Variants in DIP2C observed in about 807,000 individuals in gnomAD.
DIP2C encodes the protein disco-interacting protein 2 homolog C.
In DIP2C, 33 loss-of-function variants were observed where a neutral mutation model predicts 192.4. The ratio of observed to expected loss-of-function variants is 0.17; its 90% CI spans 0.13 to 0.23. The LOEUF (loss-of-function observed/expected upper bound fraction) is 0.23. DIP2C is among the 10% of genes least tolerant of loss of function. The pLI is 1.00. For missense variants in DIP2C, 1,537 were observed against 2,110.1 expected, an observed-to-expected ratio of 0.73 and a Z score of 5.32; for synonymous variants, 979 against 864.1, an observed-to-expected ratio of 1.13 and a Z score of -2.33.
Position 274,556 on chromosome 10 carries a change from A to T in DIP2C, c.*2769T>A, listed in dbSNP as rs998326105. ...AAGCGTACTGGTGGTTTAACATACA[A>T]GAAGGTTGCTGTCCTTTGCACATAA... On this transcript the variant is annotated 3_prime_UTR_variant, in exon 37 of 37. Coordinates refer to ENST00000280886, the MANE Select transcript of DIP2C (RefSeq NM_014974.3). 1.3e-5 allele frequency: 2 copies of T among 152,266 alleles called. No homozygotes were observed. Among genetic ancestry groups the T allele is most frequent in the African/African-American group, 4.8e-5 (2 of 41,472 alleles). The allele number at this position is 152,266 out of a possible 1,614,324, so 9.4% of individuals were successfully genotyped here.
chr10:367,381 C>A (rs1470325699), intron 18 of DIP2C, among the ~76,000 whole-genome samples: 3 of 150,666 alleles, frequency 2.0e-5, no homozygotes, highest in African/African-American at 7.4e-5. Context: ...CGCGCCACTG[C>A]ACTCCAGCCT....
At chr10:300,099 T>C (rs1589422026) in intron 32 of DIP2C, among the ~76,000 whole-genome samples, 1 of 152,170 alleles carries the variant, frequency 6.6e-6, no homozygotes, top group Non-Finnish European at 1.5e-5. Context: ...GAAAACAGTA[T>C]GGCAGTTCCT....
intron 1 of DIP2C, among the ~76,000 whole-genome samples, chr10:555,167 T>C (rs1357538981): frequency 1.3e-5 from 2 of 150,214 alleles, no homozygotes; most frequent in East Asian, 3.9e-4. Context: ...ACCCAAAATT[T>C]AGTTTATGTT....
intron 1 of DIP2C, among the ~76,000 whole-genome samples, chr10:610,271 G>A (rs1349293140): frequency 6.6e-6 from 1 of 152,206 alleles, no homozygotes; most frequent in African/African-American, 2.4e-5. Context: ...CAGATGTCAT[G>A]GAGGCCAAAA....
intron 1 of DIP2C, among the ~76,000 whole-genome samples, chr10:619,068 C>T (rs1167674576): frequency 6.6e-6 from 1 of 152,206 alleles, no homozygotes; most frequent in Non-Finnish European, 1.5e-5. Flanking sequence ...GTCTCCTGAG[C>T]TGTGTGGCAG....
At chr10:559,405 G>A (rs1018770793) in intron 1 of DIP2C, among the ~76,000 whole-genome samples, 12 of 151,982 alleles carry the variant, frequency 7.9e-5, no homozygotes, top group African/African-American at 1.7e-4. Flanking sequence ...TCAGCCACAG[G>A]GGTCTTTTGT....
intron 26 of DIP2C, among the ~76,000 whole-genome samples, chr10:348,141 C>T (rs1386565805): frequency 3.3e-5 from 5 of 152,356 alleles, no homozygotes; most frequent in African/African-American, 1.2e-4. Context: ...GTGGGTAGGA[C>T]AGGTGCATTC....
At chr10:305,060 TAC>T (rs1325480377) in intron 32 of DIP2C, among the ~76,000 whole-genome samples, 9 of 151,572 alleles carry the variant, frequency 5.9e-5, no homozygotes, top group South Asian at 2.1e-4. Flanking sequence ...CAGCACACAC[TAC>T]ACTCATGCAC....
chr10:539,083 T>A (rs1393436466), intron 1 of DIP2C, among the ~76,000 whole-genome samples: 1 of 152,232 alleles, frequency 6.6e-6, no homozygotes, highest in Non-Finnish European at 1.5e-5. Flanking sequence ...GTGCGTTTTG[T>A]GAATCTGCTA....
At chr10:283,994 G>A (rs1188941763) in intron 34 of DIP2C, among the ~76,000 whole-genome samples, 2 of 152,234 alleles carry the variant, frequency 1.3e-5, no homozygotes, top group South Asian at 2.1e-4. Context: ...AGCAAAGACT[G>A]ATATGGTGAG....
In DIP2C at chr10:363,957, C is replaced by G. The variant is rs1959863292; in HGVS notation, c.2477+417G>C. 6.6e-6 allele frequency among the ~76,000 whole-genome samples: 1 copy of G among 152,274 alleles called. No individual in the cohort carries two copies. The highest frequency in any genetic ancestry group is 6.5e-5 in the Admixed American group (1 of 15,292). The stretch of plus-strand genomic sequence containing the variant: ...CACGGAGCCTCCACTGTGCACCAGG[C>G]AAGGCAGGGAGAAGAAAACTGGTAG... On this transcript the variant is annotated intron_variant, in intron 20 of 36. Transcript: ENST00000280886. The surrounding 1 kb of genome is among the most constrained non-coding windows in gnomAD (Gnocchi z 5.4).
intron 29 of DIP2C, 89 bp from the exon 30 acceptor site, chr10:329,690 A>T: frequency 6.8e-7 from 1 of 1,476,516 alleles, no homozygotes; most frequent in South Asian, 1.4e-5. Context: ...ACTGACTCCA[A>T]GGAAAAGGAG....
chr10:387,937 TTGG>T lies in DIP2C; in HGVS notation c.1598-131_1598-129del. On this transcript the variant is annotated intron_variant, in intron 13 of 36. Coordinates refer to ENST00000280886, the MANE Select transcript of DIP2C (RefSeq NM_014974.3). The stretch of plus-strand genomic sequence containing the variant: ...TGGGAAAATATCATTTTGCCGTATC[TTGG>T]TGGAAATTCTGTAGACTCCAAGTAG... 7.3e-6 allele frequency: 8 copies of T among 1,096,312 alleles called. No homozygotes were observed. In the South Asian group the frequency reaches 8.2e-5, roughly 11 times the overall value. 67.9% of individuals were successfully genotyped at this position (1,096,312 alleles called of 1,614,324 possible).
intron 1 of DIP2C, among the ~76,000 whole-genome samples, chr10:610,652 G>A (rs1236429751): frequency 1.3e-5 from 2 of 152,254 alleles, no homozygotes; most frequent in East Asian, 1.9e-4. Context: ...CAGACATGGT[G>A]TGGCTGTGTG....
chr10:507,247 C>T (rs944313731), intron 1 of DIP2C, among the ~76,000 whole-genome samples: 4 of 149,376 alleles, frequency 2.7e-5, no homozygotes, highest in Admixed American at 6.7e-5. Context: ...CGTGAGGTTA[C>T]GGACCTGGTC....
At chr10:660,566 AACAG>A (rs1350796957) in intron 1 of DIP2C, among the ~76,000 whole-genome samples, 1 of 152,244 alleles carries the variant, frequency 6.6e-6, no homozygotes, top group African/African-American at 2.4e-5. Flanking sequence ...AAGGAAACGA[AACAG>A]ACAAAGGGCA....
intron 1 of DIP2C, among the ~76,000 whole-genome samples, chr10:541,814 C>T (rs1462460704): frequency 1.3e-5 from 2 of 152,144 alleles, no homozygotes; most frequent in African/African-American, 4.8e-5. Flanking sequence ...TCCTAGACCC[C>T]ACAGCATGAC....
At chr10:568,208 G>A (rs1312793310) in intron 1 of DIP2C, among the ~76,000 whole-genome samples, 9 of 152,134 alleles carry the variant, frequency 5.9e-5, no homozygotes, top group South Asian at 2.1e-4. Context: ...CAGGGGTAGC[G>A]AGTTCACACA....
chr10:675,755 G>A lies in DIP2C; in HGVS notation c.85+13739C>T, dbSNP rs113116669. Reference sequence around the variant, plus strand: ...GAAATCCTAAACAGACCAATAATGAGTAACATGTATGACTAAGTAATAATA... The same window carrying A: ...GAAATCCTAAACAGACCAATAATGAATAACATGTATGACTAAGTAATAATA... On this transcript the variant is annotated intron_variant, in intron 1 of 36. Coordinates refer to ENST00000280886, the MANE Select transcript of DIP2C (RefSeq NM_014974.3). Among the ~76,000 whole-genome samples, 674 of 152,242 alleles carry A rather than the reference G, an allele frequency of 4.4e-3. 5 individuals carry two copies. Among genetic ancestry groups the A allele is most frequent in the African/African-American group, 0.015 (634 of 41,550 alleles).
Sources: allele counts gnomAD v4.1 joint callset (sites outside exome capture counted in the v4.1 genomes callset), GRCh38; gene constraint gnomAD v4.1.1; non-coding constraint Gnocchi (gnomAD v3.1); transcripts MANE v1.5; gene names NCBI Gene and HGNC (gene_info 2026-07-23, HGNC 2026-07-21).